Variants in IL1RAPL1 observed in about 807,000 individuals in gnomAD.
IL1RAPL1 encodes the protein interleukin-1 receptor accessory protein-like 1.
IL1RAPL1 carries 3 observed loss-of-function variants against 48.4 expected under a neutral mutation model. The ratio of observed to expected loss-of-function variants is 0.06; its 90% CI spans 0.03 to 0.16. IL1RAPL1 has a LOEUF of 0.16. Ranked by LOEUF, IL1RAPL1 falls within the 10% of genes least tolerant of loss-of-function variation. IL1RAPL1 has a pLI of 1.00. For missense variants in IL1RAPL1, 349 were observed against 530.6 expected, an observed-to-expected ratio of 0.66 and a Z score of 3.36; for synonymous variants, 185 against 187.7, an observed-to-expected ratio of 0.99 and a Z score of 0.12.
chrX:28,995,509 T>C lies in IL1RAPL1; in HGVS notation c.82+206084T>C, dbSNP rs138976416. ...TTACTTTGCTAGAGATTGTTTTGCA[T>C]TGATCATCAAATGATAAAAATGTCT... On this transcript the variant is annotated intron_variant, in intron 2 of 10. Transcript: ENST00000378993. Among the ~76,000 whole-genome samples the C allele has an allele frequency of 8.3e-3, 927 of 111,401 alleles. 10 individuals carry two copies. The highest frequency in any genetic ancestry group is 0.029 in the African/African-American group (882 of 30,711).
At chrX:29,761,965 C>T (rs1370652120) in intron 6 of IL1RAPL1, among the ~76,000 whole-genome samples, 1 of 111,710 alleles carries the variant, frequency 9.0e-6, no homozygotes, top group Non-Finnish European at 1.9e-5. Flanking sequence ...AGTAGCATTC[C>T]CCTGTCTGTA....
At chrX:28,798,362 C>CT (rs768950054) in intron 2 of IL1RAPL1, among the ~76,000 whole-genome samples, 34 of 111,653 alleles carry the variant, frequency 3.0e-4, no homozygotes, top group African/African-American at 1.1e-3. Flanking sequence ...AATATAGTGA[C>CT]TTAAAGCAAC....
intron 3 of IL1RAPL1, among the ~76,000 whole-genome samples, chrX:29,292,144 A>G (rs1414429364): frequency 8.9e-6 from 1 of 112,286 alleles, no homozygotes; most frequent in Non-Finnish European, 1.9e-5. Flanking sequence ...CAAAATAATG[A>G]GTGATTGAGG....
chrX:29,956,104 G>C lies in IL1RAPL1; in HGVS notation c.*284G>C. On this transcript the variant is annotated 3_prime_UTR_variant, in exon 11 of 11. Transcript: ENST00000378993. ...TAAAGAAGAGACTGATGTGTAGATA[G>C]AAAACCCTTTTTTTGCTTCATTAGT... 9.2e-6 allele frequency: 3 copies of C among 326,557 alleles called. No homozygotes were observed. 26.9% of individuals were successfully genotyped at this position (326,557 alleles called of 1,213,427 possible). A position where few individuals can be genotyped will look rare whatever the true frequency, so the allele number is the denominator to read the frequency against.
chrX:29,406,337 C>T (rs1435335242), intron 5 of IL1RAPL1, among the ~76,000 whole-genome samples: 5 of 109,084 alleles, frequency 4.6e-5, no homozygotes, highest in Admixed American at 3.9e-4. Flanking sequence ...TGTAGTGAGC[C>T]GAAATCGCGA....
At chrX:29,888,226 ATT>A (rs113492482) in intron 6 of IL1RAPL1, among the ~76,000 whole-genome samples, 5 of 99,507 alleles carry the variant, frequency 5.0e-5, no homozygotes, top group African/African-American at 7.3e-5. Flanking sequence ...CAACTGAGGA[ATT>A]TTTTTTTTTT....
chrX:29,524,292 A>G (rs1935531768), intron 5 of IL1RAPL1, among the ~76,000 whole-genome samples: 1 of 109,553 alleles, frequency 9.1e-6, no homozygotes, highest in South Asian at 3.9e-4. Context: ...TAAGAACTCA[A>G]TGTTTTAGAA....
chrX:29,852,683 G>GT (rs1319714009), intron 6 of IL1RAPL1, among the ~76,000 whole-genome samples: 2 of 111,786 alleles, frequency 1.8e-5, no homozygotes, highest in African/African-American at 6.5e-5. Flanking sequence ...TTTATAGTCA[G>GT]TTTTTTCAAC....
chrX:29,215,929 T>C (rs1200171187), intron 2 of IL1RAPL1, among the ~76,000 whole-genome samples: 1 of 111,222 alleles, frequency 9.0e-6, no homozygotes, highest in Non-Finnish European at 1.9e-5. Flanking sequence ...CTTGATCTGG[T>C]CCATTCTCTG....
chrX:29,034,019 T>C (rs2147411554), intron 2 of IL1RAPL1, among the ~76,000 whole-genome samples: 1 of 111,544 alleles, frequency 9.0e-6, no homozygotes, highest in Admixed American at 9.5e-5. Flanking sequence ...TCCAAATAAA[T>C]CAAATGAGTC....
intron 5 of IL1RAPL1, among the ~76,000 whole-genome samples, chrX:29,586,638 C>T (rs770425878): frequency 1.6e-4 from 18 of 110,881 alleles, no homozygotes; most frequent in South Asian, 3.8e-4. Flanking sequence ...GTAGTATGAA[C>T]GTTTTAACAA....
At chrX:28,930,165 T>C (rs1381802517) in intron 2 of IL1RAPL1, among the ~76,000 whole-genome samples, 1 of 112,145 alleles carries the variant, frequency 8.9e-6, no homozygotes, top group African/African-American at 3.2e-5. Flanking sequence ...CAATCCTTAC[T>C]CTAATCCTTG....
rs754262219 is a variant in IL1RAPL1, at chrX:29,584,474, C to A, written c.704-83956C>A. ...TATCTCCTCCCATTCTTACCTGAATCTACCCCAATCAGGCCTTCAACTCCA... is the reference window on the plus strand; with the variant it reads ...TATCTCCTCCCATTCTTACCTGAATATACCCCAATCAGGCCTTCAACTCCA... On this transcript the variant is annotated intron_variant, in intron 5 of 10. Coordinates refer to ENST00000378993, the MANE Select transcript of IL1RAPL1 (RefSeq NM_014271.4). Among the ~76,000 whole-genome samples the A allele has an allele frequency of 6.3e-5, 7 of 111,749 alleles. No individual in the cohort carries two copies. The East Asian group carries it at 2.0e-3, about 32-fold the overall frequency.
At chrX:29,392,314 G>A (rs1198092376) in intron 3 of IL1RAPL1, among the ~76,000 whole-genome samples, 1 of 112,026 alleles carries the variant, frequency 8.9e-6, no homozygotes, top group East Asian at 2.8e-4. Flanking sequence ...CCCATTCCAC[G>A]TTATTTCCCT....
chrX:28,986,089 G>A (rs1483748733), intron 2 of IL1RAPL1, among the ~76,000 whole-genome samples: 2 of 112,006 alleles, frequency 1.8e-5, no homozygotes, highest in African/African-American at 6.5e-5. Flanking sequence ...AGCATCAGGT[G>A]GCTGTAAATG....
At chrX:29,181,165 A>G (rs890850202) in intron 2 of IL1RAPL1, among the ~76,000 whole-genome samples, 6 of 111,375 alleles carry the variant, frequency 5.4e-5, no homozygotes, top group African/African-American at 1.6e-4. Context: ...TTTAGTCTCA[A>G]TTTTCTCATC....
At chrX:28,864,101 C>T (rs1922019635) in intron 2 of IL1RAPL1, among the ~76,000 whole-genome samples, 1 of 111,676 alleles carries the variant, frequency 9.0e-6, no homozygotes, top group South Asian at 3.7e-4. Context: ...TAGAAATATC[C>T]AAAACCTAAA....
intron 6 of IL1RAPL1, among the ~76,000 whole-genome samples, chrX:29,905,974 AG>A (rs1037359450): frequency 9.0e-6 from 1 of 110,990 alleles, no homozygotes; most frequent in East Asian, 2.9e-4. Flanking sequence ...CCCAGGTTAT[AG>A]GGGGGATAGG....
intron 1 of IL1RAPL1, among the ~76,000 whole-genome samples, chrX:28,681,406 G>T (rs1203363939): frequency 9.0e-6 from 1 of 111,443 alleles, no homozygotes; most frequent in African/African-American, 3.3e-5. Flanking sequence ...AAATAAGCCA[G>T]ATACTCATCA....
Sources: gnomAD v4.1 joint callset for allele counts (sites outside exome capture counted in the v4.1 genomes callset) on GRCh38, gnomAD v4.1.1 for gene constraint, MANE v1.5 for transcripts, NCBI Gene and HGNC (gene_info 2026-07-23, HGNC 2026-07-21) for gene names.